SLC15A1: variants seen among roughly 807,000 people sequenced by gnomAD.
The protein encoded by SLC15A1 is solute carrier family 15 member 1.
SLC15A1 carries 83 observed loss-of-function variants against 92.9 expected under a neutral mutation model. The ratio of observed to expected loss-of-function variants is 0.89; its 90% CI spans 0.75 to 1.07. SLC15A1 has a LOEUF of 1.07. SLC15A1 is among the 50% of genes least tolerant of loss of function. The pLI, the probability that SLC15A1 is intolerant of heterozygous loss-of-function variation, is 0.00. For synonymous variants in SLC15A1, 322 were observed against 318.2 expected, an observed-to-expected ratio of 1.01 and a Z score of -0.13; for missense variants, 857 against 880.1, an observed-to-expected ratio of 0.97 and a Z score of 0.33.
At chr13:98,705,555 C>T (rs1192300853) in intron 16 of SLC15A1, among the ~76,000 whole-genome samples, 3 of 152,154 alleles carry the variant, frequency 2.0e-5, no homozygotes, top group Admixed American at 6.5e-5. Flanking sequence ...AGCAGCATTC[C>T]TGAGAGCTAG....
At chr13:98,726,630 C>T in intron 2 of SLC15A1, 181 bp from the exon 3 acceptor site, 1 of 750,760 alleles carries the variant, frequency 1.3e-6, no homozygotes, top group Admixed American at 2.1e-5. Context: ...CACATAGAGA[C>T]AGCAATGAAA....
At chr13:98,742,374 T>G (rs1215657061) in intron 1 of SLC15A1, among the ~76,000 whole-genome samples, 3 of 152,202 alleles carry the variant, frequency 2.0e-5, no homozygotes, top group Non-Finnish European at 4.4e-5. Context: ...GCAAAGTCTG[T>G]CGCCATCTGT....
intron 18 of SLC15A1, among the ~76,000 whole-genome samples, chr13:98,691,362 C>T (rs1218355212): frequency 1.3e-5 from 2 of 152,218 alleles, no homozygotes; most frequent in Non-Finnish European, 2.9e-5. Flanking sequence ...TTATGACTAA[C>T]ATTCCATCAT....
chr13:98,708,800 A>T lies in SLC15A1; in HGVS notation c.1068-33T>A, dbSNP rs745769070. The stretch of plus-strand genomic sequence containing the variant: ...CACAAGAGAAGAGTGACTCTCAACC[A>T]GTTTCACATAGATGAGCTAAGCTAA... On this transcript the variant is annotated intron_variant, in intron 14 of 22. Transcript: ENST00000376503. 3 of 1,542,872 alleles carry T rather than the reference A, an allele frequency of 1.9e-6. No individual in the cohort carries two copies. The South Asian group carries it at 3.6e-5, about 18-fold the overall frequency.
At chr13:98,713,510 G>C (rs1237734520) in intron 9 of SLC15A1, among the ~76,000 whole-genome samples, 1 of 152,134 alleles carries the variant, frequency 6.6e-6, no homozygotes, top group East Asian at 1.9e-4. Context: ...TAGTTTTTAA[G>C]AGTAAGAACA....
At chr13:98,686,329 C>T (rs553466497) in intron 21 of SLC15A1, 32 bp from the exon 22 acceptor site, 1 of 1,458,828 alleles carries the variant, frequency 6.9e-7, no homozygotes, top group South Asian at 1.2e-5. Flanking sequence ...AGTCCTGCTC[C>T]AGGTCTCACC....
At chr13:98,704,725 T>C (rs549795692) in intron 16 of SLC15A1, among the ~76,000 whole-genome samples, 1 of 152,350 alleles carries the variant, frequency 6.6e-6, no homozygotes, top group Non-Finnish European at 1.5e-5. Flanking sequence ...TTTCTACTGT[T>C]AGGCAAAGAA....
intron 1 of SLC15A1, among the ~76,000 whole-genome samples, chr13:98,748,512 T>G (rs2088514449): frequency 6.6e-6 from 1 of 152,092 alleles, no homozygotes; most frequent in African/African-American, 2.4e-5. Flanking sequence ...GCAGACTGAT[T>G]TCAAACTCCT....
intron 1 of SLC15A1, among the ~76,000 whole-genome samples, chr13:98,732,099 T>C (rs557204548): frequency 4.6e-5 from 7 of 152,344 alleles, no homozygotes. Flanking sequence ...AATGCAGAAG[T>C]GGTGTTTACA....
intron 18 of SLC15A1, among the ~76,000 whole-genome samples, chr13:98,695,281 C>T (rs1017478678): frequency 3.0e-4 from 45 of 152,236 alleles, no homozygotes; most frequent in Admixed American, 2.6e-3. Flanking sequence ...GATACAGGGT[C>T]TCACTATTTT....
chr13:98,729,988 TG>T (rs2088334350), intron 1 of SLC15A1, among the ~76,000 whole-genome samples: 1 of 151,982 alleles, frequency 6.6e-6, no homozygotes, highest in Non-Finnish European at 1.5e-5. Flanking sequence ...GCAGATCACT[TG>T]AGGTCAGGAG....
intron 18 of SLC15A1, among the ~76,000 whole-genome samples, chr13:98,698,952 A>G (rs1356006472): frequency 6.6e-6 from 1 of 152,044 alleles, no homozygotes; most frequent in African/African-American, 2.4e-5. Context: ...CATTCCCCCC[A>G]GTTTATTCTT....
At chr13:98,692,215 G>A (rs2087986263) in intron 18 of SLC15A1, among the ~76,000 whole-genome samples, 1 of 130,186 alleles carries the variant, frequency 7.7e-6, no homozygotes, top group Admixed American at 9.6e-5. Flanking sequence ...GTGCAGTGGT[G>A]CAATCATGGC....
intron 18 of SLC15A1, among the ~76,000 whole-genome samples, chr13:98,701,569 GGCTCACT>G (rs1435692460): frequency 6.6e-5 from 10 of 151,866 alleles, no homozygotes; most frequent in South Asian, 4.2e-4. Flanking sequence ...GCAGGATCAT[GGCTCACT>G]GCAGCCTCAA....
rs978732305 is a variant in SLC15A1, at chr13:98,683,922, A to G, written c.*802T>C. The G allele has an allele frequency of 6.6e-6, 1 of 152,202 alleles. No homozygotes were observed. Among genetic ancestry groups the G allele is most frequent in the African/African-American group, 2.4e-5 (1 of 41,456 alleles). The allele number at this position is 152,202 out of a possible 1,614,324, so 9.4% of individuals were successfully genotyped here. A position where few individuals can be genotyped will look rare whatever the true frequency, so the allele number is the denominator to read the frequency against. On this transcript the variant is annotated 3_prime_UTR_variant, in exon 23 of 23. Coordinates refer to ENST00000376503, the MANE Select transcript of SLC15A1 (RefSeq NM_005073.4). ...CAGGTAGGGACTAGAAAAACAAAAT[A>G]ACAAAAACCCAAAGGTAAAGTTATC...
At chr13:98,697,256 A>G (rs1189468922) in intron 18 of SLC15A1, among the ~76,000 whole-genome samples, 2 of 152,072 alleles carry the variant, frequency 1.3e-5, no homozygotes, top group East Asian at 3.9e-4. Flanking sequence ...GAGTTTCACC[A>G]TGTTGGCCAG....
chr13:98,716,515 G>A (rs576359779), intron 8 of SLC15A1, among the ~76,000 whole-genome samples: 32 of 151,756 alleles, frequency 2.1e-4, no homozygotes, highest in African/African-American at 4.4e-4. Context: ...CCAGCTACTC[G>A]GGAGGCTGAG....
intron 18 of SLC15A1, 97 bp downstream of exon 18, chr13:98,702,383 C>T: frequency 2.3e-6 from 2 of 887,014 alleles, no homozygotes; most frequent in Non-Finnish European, 3.8e-6. Flanking sequence ...ACCCTATAAT[C>T]TCATTTTATA....
At chr13:98,691,009 T>G (rs1363666777) in intron 18 of SLC15A1, among the ~76,000 whole-genome samples, 1 of 152,160 alleles carries the variant, frequency 6.6e-6, no homozygotes, top group African/African-American at 2.4e-5. Flanking sequence ...GTCTTTCACA[T>G]TCGTTCATAT....
Sources: gnomAD v4.1 joint callset for allele counts (sites outside exome capture counted in the v4.1 genomes callset) on GRCh38, gnomAD v4.1.1 for gene constraint, MANE v1.5 for transcripts, NCBI Gene and HGNC (gene_info 2026-07-23, HGNC 2026-07-21) for gene names.